The following ODAD2 variants were observed in gnomAD, a reference collection of about 807,000 sequenced individuals.
ODAD2 encodes the protein outer dynein arm docking complex subunit 2.
In ODAD2, 89 loss-of-function variants were observed where a neutral mutation model predicts 106.8. That is an observed-to-expected ratio of 0.83 (90% CI 0.70 to 0.99). The LOEUF (loss-of-function observed/expected upper bound fraction) is 0.99, where lower values mean the gene tolerates loss of function less well. Ranked by LOEUF, ODAD2 falls within the 50% of genes least tolerant of loss-of-function variation. The pLI is 0.00. For missense variants in ODAD2, 1,168 were observed against 1,238.5 expected, an observed-to-expected ratio of 0.94 and a Z score of 0.85; for synonymous variants, 404 against 436.2, an observed-to-expected ratio of 0.93 and a Z score of 0.92.
chr10:27,831,717 T>C (rs941048651), intron 19 of ODAD2, among the ~76,000 whole-genome samples: 2 of 152,174 alleles, frequency 1.3e-5, no homozygotes, highest in Admixed American at 6.5e-5. Context: ...ATGCCTGGGG[T>C]TGGCATTTTC....
chr10:27,858,756 C>T (rs1359812481), intron 19 of ODAD2, among the ~76,000 whole-genome samples: 1 of 151,582 alleles, frequency 6.6e-6, no homozygotes, highest in East Asian at 1.9e-4. Context: ...GTTGCATATA[C>T]ACCAGGCATT....
intron 19 of ODAD2, among the ~76,000 whole-genome samples, chr10:27,837,905 A>T (rs1838021595): frequency 1.3e-5 from 2 of 152,192 alleles, no homozygotes; most frequent in Admixed American, 1.3e-4. Context: ...TTTTTAATGT[A>T]ACTTTTTTTT....
intron 17 of ODAD2, among the ~76,000 whole-genome samples, chr10:27,895,821 G>A (rs1438612523): frequency 6.6e-6 from 1 of 152,090 alleles, no homozygotes; most frequent in African/African-American, 2.4e-5. Context: ...CTTTCCTCTT[G>A]CCTTTCTGAG....
Position 27,860,712 on chromosome 10 carries a change from G to A in ODAD2, c.2934C>T (p.Asn978=), listed in dbSNP as rs139934178. ...LVRYLKSNDT[N]VHRATAQALY... ...AGGCCTGAGCTGTCGCCCGATGCAC[G>A]TTGGTGTCATTTGATTTCAGATAAC... The change falls in exon 19 of 20, where the codon AAC becomes AAT. Residue 978 remains asparagine (N), a synonymous_variant. Transcript: ENST00000305242. The A allele has an allele frequency of 4.3e-5, 69 of 1,614,156 alleles. No individual in the cohort carries two copies. Among genetic ancestry groups the A allele is most frequent in the Admixed American group, 1.2e-4 (7 of 60,024 alleles).
At chr10:27,994,897 T>G in intron 2 of ODAD2, 22 bp downstream of exon 2, 1 of 1,612,564 alleles carries the variant, frequency 6.2e-7, no homozygotes. Context: ...TATCAAATCC[T>G]AGAAGCAAGT....
At chr10:27,893,594 G>A (rs1430376504) in intron 17 of ODAD2, among the ~76,000 whole-genome samples, 1 of 152,152 alleles carries the variant, frequency 6.6e-6, no homozygotes, top group Non-Finnish European at 1.5e-5. Context: ...TGACTCATAA[G>A]TTAATAAGTC....
chr10:27,956,161 A>G (rs550863569), intron 10 of ODAD2, among the ~76,000 whole-genome samples: 6 of 152,292 alleles, frequency 3.9e-5, no homozygotes, highest in Non-Finnish European at 8.8e-5. Flanking sequence ...GCAAGGATGA[A>G]TGTGTAGGAA....
At chr10:27,854,402 C>T (rs996513558) in intron 19 of ODAD2, among the ~76,000 whole-genome samples, 1 of 152,178 alleles carries the variant, frequency 6.6e-6, no homozygotes, top group Admixed American at 6.5e-5. Flanking sequence ...ATGACTTGTA[C>T]ATGAATGTTC....
chr10:27,950,113 T>C (rs1467488215), intron 10 of ODAD2, among the ~76,000 whole-genome samples: 1 of 152,154 alleles, frequency 6.6e-6, no homozygotes, highest in Non-Finnish European at 1.5e-5. Flanking sequence ...TCGGCACCAC[T>C]ATCACATGGC....
At chr10:27,996,502 T>C (rs1324410510) in intron 1 of ODAD2, among the ~76,000 whole-genome samples, 5 of 152,072 alleles carry the variant, frequency 3.3e-5, no homozygotes, top group South Asian at 2.1e-4. Context: ...ATGTAAAATA[T>C]CCTGTGCAGG....
intron 16 of ODAD2, among the ~76,000 whole-genome samples, chr10:27,924,043 G>C (rs371307452): frequency 1.9e-5 from 2 of 107,486 alleles, no homozygotes; most frequent in Admixed American, 1.8e-4. Flanking sequence ...AAAGAAAGAA[G>C]GAAAGAGAAA....
intron 16 of ODAD2, among the ~76,000 whole-genome samples, chr10:27,929,421 T>C (rs1027577661): frequency 2.6e-5 from 4 of 152,172 alleles, no homozygotes; most frequent in Non-Finnish European, 5.9e-5. Flanking sequence ...TATTATTAAA[T>C]TATAATTATC....
At chr10:27,839,096 A>C (rs1838119491) in intron 19 of ODAD2, among the ~76,000 whole-genome samples, 1 of 152,164 alleles carries the variant, frequency 6.6e-6, no homozygotes, top group Non-Finnish European at 1.5e-5. Context: ...GATCAGAAAA[A>C]CTGTAACGTA....
chr10:27,961,511 C>T (rs1848138768), intron 10 of ODAD2, 57 bp downstream of exon 10: 12 of 1,490,642 alleles, frequency 8.1e-6, no homozygotes, highest in Non-Finnish European at 1.1e-5. Context: ...GCATATACAT[C>T]TTTGGGAAAG....
intron 19 of ODAD2, among the ~76,000 whole-genome samples, chr10:27,839,771 G>T (rs1482675213): frequency 6.6e-6 from 1 of 152,168 alleles, no homozygotes; most frequent in Non-Finnish European, 1.5e-5. Flanking sequence ...ATGCTTCACA[G>T]GTTTATATGT....
At chr10:27,940,286 A>G (rs1846306703) in intron 13 of ODAD2, among the ~76,000 whole-genome samples, 1 of 151,802 alleles carries the variant, frequency 6.6e-6, no homozygotes, top group Non-Finnish European at 1.5e-5. Flanking sequence ...AAATGCCAGT[A>G]TATATGTGTG....
At chr10:27,935,321 A>G (rs1845896606) in intron 15 of ODAD2, 69 bp from the exon 16 acceptor site, 4 of 1,566,780 alleles carry the variant, frequency 2.6e-6, no homozygotes, top group Middle Eastern at 1.7e-4. Flanking sequence ...CTAAATGTTC[A>G]TTCAATCCTT....
At chr10:27,969,845 C>G (rs1848721404) in intron 8 of ODAD2, among the ~76,000 whole-genome samples, 1 of 152,150 alleles carries the variant, frequency 6.6e-6, no homozygotes, top group African/African-American at 2.4e-5. Flanking sequence ...GTGGCTCACA[C>G]CTGTAATCCC....
At chr10:27,918,964 A>G (rs924826331) in intron 16 of ODAD2, among the ~76,000 whole-genome samples, 2 of 151,834 alleles carry the variant, frequency 1.3e-5, no homozygotes, top group Non-Finnish European at 2.9e-5. Flanking sequence ...AACCACAAAT[A>G]AGTAGATAAC....
Sources: allele counts gnomAD v4.1 joint callset (sites outside exome capture counted in the v4.1 genomes callset), GRCh38; gene constraint gnomAD v4.1.1; transcripts MANE v1.5; gene names NCBI Gene and HGNC (gene_info 2026-07-23, HGNC 2026-07-21).